STX5: variants seen among roughly 807,000 people sequenced by gnomAD.
The protein encoded by STX5 is syntaxin-5.
In STX5, 15 loss-of-function variants were observed where a neutral mutation model predicts 42.9. The ratio of observed to expected loss-of-function variants is 0.35; its 90% CI spans 0.23 to 0.54. STX5 has a LOEUF of 0.54. Ranked by LOEUF, STX5 falls within the 20% of genes least tolerant of loss-of-function variation. The pLI is 0.91. For missense variants in STX5, 430 were observed against 455.0 expected (o/e 0.95, Z 0.50); for synonymous variants, 184 against 173.2 (o/e 1.06, Z -0.49).
intron 10 of STX5, 152 bp downstream of exon 10, chr11:62,824,014 T>A: frequency 7.9e-7 from 1 of 1,263,476 alleles, no homozygotes; most frequent in Non-Finnish European, 1.1e-6. Flanking sequence ...TAAAAACTTG[T>A]TGGGTGGATG....
At chr11:62,819,403 A>T (rs1310735055) in intron 10 of STX5, among the ~76,000 whole-genome samples, 2 of 151,940 alleles carry the variant, frequency 1.3e-5, no homozygotes, top group Non-Finnish European at 2.9e-5. Flanking sequence ...AAGGGAAGAG[A>T]TACCAGTGGA....
intron 10 of STX5, among the ~76,000 whole-genome samples, chr11:62,822,969 C>G (rs1301414579): frequency 6.6e-6 from 1 of 152,128 alleles, no homozygotes; most frequent in Non-Finnish European, 1.5e-5. Context: ...TATCCCTGTT[C>G]ATTACTTTCT....
chr11:62,825,149 A>C, intron 7 of STX5, 32 bp from the exon 8 acceptor site: 1 of 1,612,424 alleles, frequency 6.2e-7, no homozygotes, highest in Middle Eastern at 1.7e-4. Context: ...AAGGACCTGA[A>C]GCCACTAGAA....
At chr11:62,824,984 C>T (rs754793862) in intron 8 of STX5, 52 bp downstream of exon 8, 5 of 1,584,604 alleles carry the variant, frequency 3.2e-6, no homozygotes, top group South Asian at 2.2e-5. Flanking sequence ...GCCATCACAA[C>T]CAGAGTAAGT....
chr11:62,809,073 A>C (rs1405684848), intron 10 of STX5, among the ~76,000 whole-genome samples: 1 of 147,952 alleles, frequency 6.8e-6, no homozygotes, highest in Admixed American at 6.7e-5. Flanking sequence ...CCGATCACGA[A>C]GTCAGGAGAT....
At chr11:62,823,992 A>C (rs1439919101) in intron 10 of STX5, 174 bp downstream of exon 10, 2 of 962,230 alleles carry the variant, frequency 2.1e-6, no homozygotes, top group Non-Finnish European at 3.1e-6. Context: ...CCTCACATGA[A>C]CAGGTGCTCA....
chr11:62,808,413 T>C (rs1223801243), intron 10 of STX5, among the ~76,000 whole-genome samples: 1 of 134,548 alleles, frequency 7.4e-6, no homozygotes, highest in African/African-American at 2.8e-5. Flanking sequence ...ATGGGTGACA[T>C]AGCAAGACTG....
chr11:62,810,964 A>T (rs1565206879), intron 10 of STX5, among the ~76,000 whole-genome samples: 1 of 151,938 alleles, frequency 6.6e-6, no homozygotes, highest in Non-Finnish European at 1.5e-5. Flanking sequence ...CCTGACTCAA[A>T]CACATCCTTA....
intron 10 of STX5, among the ~76,000 whole-genome samples, chr11:62,811,130 C>T (rs1336556652): frequency 6.6e-6 from 1 of 152,048 alleles, no homozygotes; most frequent in African/African-American, 2.4e-5. Context: ...CTCTACATAC[C>T]CCCTGACTCC....
intron 10 of STX5, among the ~76,000 whole-genome samples, chr11:62,819,220 GAAAAAAAAAAAAAAAA>G (rs57390432): frequency 4.8e-3 from 143 of 29,638 alleles, no homozygotes; most frequent in South Asian, 0.02. Context: ...GACTCTGTCT[GAAAAAAAAAAAAAAAA>G]AAAAAAAAAA....
chr11:62,810,419 G>A (rs1218001975), intron 10 of STX5, among the ~76,000 whole-genome samples: 1 of 152,158 alleles, frequency 6.6e-6, no homozygotes. Flanking sequence ...TATAGCCTGA[G>A]TGACAGAGTG....
intron 2 of STX5, among the ~76,000 whole-genome samples, chr11:62,829,460 C>T (rs377375935): frequency 8.6e-6 from 1 of 115,702 alleles, no homozygotes; most frequent in South Asian, 2.5e-4. Context: ...ATAAATAGCA[C>T]TCCCAAATTT....
At chr11:62,829,152 C>T (rs1394994781) in intron 2 of STX5, among the ~76,000 whole-genome samples, 10 of 152,100 alleles carry the variant, frequency 6.6e-5, no homozygotes, top group African/African-American at 1.9e-4. Context: ...CGGCTGGGTA[C>T]GGTGGCTCAC....
At chr11:62,819,028 G>T (rs1315209081) in intron 10 of STX5, among the ~76,000 whole-genome samples, 3 of 151,160 alleles carry the variant, frequency 2.0e-5, no homozygotes, top group African/African-American at 7.3e-5. Context: ...GACCATCCTG[G>T]CTAACACGGT....
At chr11:62,809,191 G>C (rs917662154) in intron 10 of STX5, among the ~76,000 whole-genome samples, 1 of 151,536 alleles carries the variant, frequency 6.6e-6, no homozygotes, top group Admixed American at 6.6e-5. Flanking sequence ...GGGAGGCTGA[G>C]GCAGGAGAAT....
chr11:62,814,662 G>C (rs956053546), intron 10 of STX5, among the ~76,000 whole-genome samples: 7 of 146,188 alleles, frequency 4.8e-5, no homozygotes, highest in Non-Finnish European at 1.0e-4. Flanking sequence ...AGTTTCGCTC[G>C]TTGCCCAGGC....
intron 10 of STX5, among the ~76,000 whole-genome samples, chr11:62,813,956 T>C (rs924013311): frequency 5.3e-5 from 8 of 152,164 alleles, no homozygotes; most frequent in Non-Finnish European, 8.8e-5. Flanking sequence ...TCCTATATTA[T>C]CATTTTTAAA....
intron 10 of STX5, among the ~76,000 whole-genome samples, chr11:62,816,722 G>GAAAAAAAAAAAA (rs71056565): frequency 1.1e-5 from 1 of 90,194 alleles, no homozygotes; most frequent in African/African-American, 4.4e-5. Flanking sequence ...CGCCTTTACT[G>GAAAAAAAAAAAA]AAAAAAAAAA....
At chr11:62,827,013 A>G in intron 5 of STX5, 142 bp downstream of exon 5, 1 of 697,154 alleles carries the variant, frequency 1.4e-6, no homozygotes, top group South Asian at 1.9e-5. Flanking sequence ...TCACACCACT[A>G]CACTCCAGAC....
Sources: gnomAD v4.1 joint callset for allele counts (sites outside exome capture counted in the v4.1 genomes callset) on GRCh38, gnomAD v4.1.1 for gene constraint, MANE v1.5 for transcripts, NCBI Gene and HGNC (gene_info 2026-07-23, HGNC 2026-07-21) for gene names.